Variants in RUNX1 observed in about 807,000 individuals in gnomAD.
RUNX1 encodes the protein runt-related transcription factor 1.
A neutral mutation model predicts 42.8 loss-of-function variants in RUNX1; 19 were observed. The ratio of observed to expected loss-of-function variants is 0.44; its 90% CI spans 0.31 to 0.65. RUNX1 has a LOEUF of 0.65. Ranked by LOEUF, RUNX1 falls within the 30% of genes least tolerant of loss-of-function variation. The pLI, the probability that RUNX1 is intolerant of heterozygous loss-of-function variation, is 0.07. For synonymous variants in RUNX1, 271 were observed against 289.4 expected (o/e 0.94, Z 0.64); for missense variants, 528 against 672.0 (o/e 0.79, Z 2.37).
chr21:34,973,475 C>T (rs2058777467), intron 2 of RUNX1, among the ~76,000 whole-genome samples: 1 of 152,190 alleles, frequency 6.6e-6, no homozygotes, highest in Non-Finnish European at 1.5e-5. Context: ...TGATACTATA[C>T]ATATATAAGT....
At chr21:34,801,695 TG>T (rs1336963268) in intron 7 of RUNX1, among the ~76,000 whole-genome samples, 1 of 152,188 alleles carries the variant, frequency 6.6e-6, no homozygotes, top group Non-Finnish European at 1.5e-5. Context: ...TTGCCAGTGG[TG>T]GGCCAGAAGG....
intron 5 of RUNX1, among the ~76,000 whole-genome samples, chr21:34,870,460 G>A (rs1040045609): frequency 6.6e-6 from 1 of 152,240 alleles, no homozygotes; most frequent in East Asian, 1.9e-4. Flanking sequence ...TGGCTTCAGA[G>A]ATTTCTGGTT....
intron 6 of RUNX1, among the ~76,000 whole-genome samples, chr21:34,835,028 C>A (rs2057124289): frequency 6.6e-6 from 1 of 152,224 alleles, no homozygotes; most frequent in South Asian, 2.1e-4. Context: ...ACGGCTGTTC[C>A]TTACTGCAAA....
chr21:34,822,994 T>A lies in RUNX1; in HGVS notation c.805+11416A>T, dbSNP rs560487286. ...GACATATGTAGTCCTTCCAGTGATA[T>A]AAAGAGGAACTGGCACAGCATAAGC... On this transcript the variant is annotated intron_variant, in intron 7 of 8. Transcript: ENST00000675419. Among the ~76,000 whole-genome samples the A allele has an allele frequency of 2.6e-5, 4 of 152,326 alleles. No homozygotes were observed. In the East Asian group the frequency reaches 7.7e-4, roughly 29 times the overall value.
At chr21:34,822,895 G>T (rs1285614601) in intron 7 of RUNX1, among the ~76,000 whole-genome samples, 1 of 152,154 alleles carries the variant, frequency 6.6e-6, no homozygotes, top group Non-Finnish European at 1.5e-5. Flanking sequence ...TCCAGGAAGT[G>T]CAATCCCTAG....
chr21:34,795,088 A>G (rs2056506632), intron 8 of RUNX1, among the ~76,000 whole-genome samples: 1 of 152,224 alleles, frequency 6.6e-6, no homozygotes. Context: ...CAGTAGAAAC[A>G]TGAATTCATT....
At chr21:34,890,056 G>C (rs2058061254) in intron 3 of RUNX1, among the ~76,000 whole-genome samples, 1 of 152,090 alleles carries the variant, frequency 6.6e-6, no homozygotes, top group Non-Finnish European at 1.5e-5. Context: ...GGGCTAGGGT[G>C]CTGTGGCCGC....
At chr21:34,922,480 A>C (rs561127293) in intron 2 of RUNX1, among the ~76,000 whole-genome samples, 38 of 152,288 alleles carry the variant, frequency 2.5e-4, no homozygotes, top group African/African-American at 9.1e-4. Flanking sequence ...GAAGCACATC[A>C]CTTTATAGCT....
At chr21:34,887,674 T>C in intron 3 of RUNX1, 1 of 1,073,918 alleles carries the variant, frequency 9.3e-7, no homozygotes, top group Non-Finnish European at 1.1e-6. Flanking sequence ...CCAAAGGTAG[T>C]GCTACTAATG....
At chr21:35,031,363 A>T (rs1214707157) in intron 2 of RUNX1, among the ~76,000 whole-genome samples, 1 of 152,064 alleles carries the variant, frequency 6.6e-6, no homozygotes, top group Non-Finnish European at 1.5e-5. Context: ...AAATAGAAAA[A>T]TCAAGAGATA....
chr21:34,947,427 C>G (rs1029711109), intron 2 of RUNX1, among the ~76,000 whole-genome samples: 1 of 152,102 alleles, frequency 6.6e-6, no homozygotes, highest in Non-Finnish European at 1.5e-5. Flanking sequence ...AACACCCACA[C>G]GCACACTCTT....
At chr21:34,835,732 T>A (rs1209605450) in intron 6 of RUNX1, among the ~76,000 whole-genome samples, 1 of 152,204 alleles carries the variant, frequency 6.6e-6, no homozygotes, top group Admixed American at 6.5e-5. Context: ...GCACAACCTC[T>A]GTTCCCTATT....
Position 35,038,975 on chromosome 21 carries a change from A to AT in RUNX1, c.58+9866_58+9867insA, listed in dbSNP as rs1479230105. The AT allele has an allele frequency of 3.8e-5, 13 of 339,294 alleles. No individual in the cohort carries two copies. The East Asian group carries it at 1.0e-3, about 27-fold the overall frequency. 21.0% of individuals were successfully genotyped at this position (339,294 alleles called of 1,614,324 possible). ...GTGGGCAGGCACATGGTGGGTGCTT[A>AT]ACCAAGGTGGTGCTGGATTTTGGGG... On this transcript the variant is annotated intron_variant, in intron 2 of 8. Transcript: ENST00000675419.
intron 7 of RUNX1, among the ~76,000 whole-genome samples, chr21:34,804,427 GT>G (rs1164070971): frequency 2.0e-5 from 3 of 152,212 alleles, no homozygotes; most frequent in Non-Finnish European, 4.4e-5. Context: ...GGAATTTGAA[GT>G]CTCTGGTACC....
chr21:35,025,523 C>T (rs2059229160), intron 2 of RUNX1, among the ~76,000 whole-genome samples: 1 of 152,240 alleles, frequency 6.6e-6, no homozygotes, highest in Non-Finnish European at 1.5e-5. Context: ...GGCCAGCTCT[C>T]TCCTTCTTCC....
chr21:34,989,019 T>C (rs1463168411), intron 2 of RUNX1, among the ~76,000 whole-genome samples: 1 of 151,860 alleles, frequency 6.6e-6, no homozygotes, highest in Non-Finnish European at 1.5e-5. Flanking sequence ...TCTCTCTTTT[T>C]TTTTTTTTAG....
At chr21:34,981,703 AG>A (rs1487031153) in intron 2 of RUNX1, among the ~76,000 whole-genome samples, 1 of 152,228 alleles carries the variant, frequency 6.6e-6, no homozygotes, top group Non-Finnish European at 1.5e-5. Flanking sequence ...TTTACTTGAT[AG>A]TTAATTTAAT....
At chr21:34,852,024 C>T (rs61050297) in intron 6 of RUNX1, among the ~76,000 whole-genome samples, 2,890 of 152,090 alleles carry the variant, frequency 0.019, 72 homozygotes, top group African/African-American at 0.064. Flanking sequence ...AAAAATTAGC[C>T]GGGCGTGGTG....
Position 34,901,518 on chromosome 21 carries a change from A to AAATAATAATAATAATAATAAT in RUNX1, c.59-8556_59-8555insATTATTATTATTATTATTATT, listed in dbSNP as rs536376739. Among the ~76,000 whole-genome samples the AAATAATAATAATAATAATAAT allele has an allele frequency of 3.4e-4, 52 of 151,858 alleles. No homozygotes were observed. In the South Asian group the frequency reaches 3.5e-3, roughly 10 times the overall value. On this transcript the variant is annotated intron_variant, in intron 2 of 8. Transcript: ENST00000675419. The surrounding 1 kb of genome is among the most constrained non-coding windows in gnomAD (Gnocchi z 4.3). ...ACAGAGCCAGATCCGTCTCAAAAAT[A>AAATAATAATAATAATAATAAT]AATAATAATAATAATAATAACAATA...
Sources: allele counts gnomAD v4.1 joint callset (sites outside exome capture counted in the v4.1 genomes callset), GRCh38; gene constraint gnomAD v4.1.1; non-coding constraint Gnocchi (gnomAD v3.1); transcripts MANE v1.5; gene names NCBI Gene and HGNC (gene_info 2026-07-23, HGNC 2026-07-21).